Variants in TXLNB observed in about 807,000 individuals in gnomAD.
TXLNB encodes taxilin beta.
TXLNB carries 37 observed loss-of-function variants against 57.4 expected under a neutral mutation model. That is an observed-to-expected ratio of 0.64 (90% CI 0.50 to 0.85). TXLNB has a LOEUF of 0.85. Among genes scored for constraint, TXLNB ranks in the 40% least tolerant of loss-of-function variants. TXLNB has a pLI of 0.00. For missense variants in TXLNB, 848 were observed against 825.6 expected (o/e 1.03, Z -0.33); for synonymous variants, 302 against 309.6 (o/e 0.98, Z 0.26).
chr6:139,235,254 A>G (rs1775823291), downstream of TXLNB, among the ~76,000 whole-genome samples: 1 of 152,172 alleles, frequency 6.6e-6, no homozygotes, highest in African/African-American at 2.4e-5. Context: ...TAGCAGACAC[A>G]GTGGCTGGAT....
chr6:139,167,787 A>G, the TXLNB span, among the ~76,000 whole-genome samples: 16 of 152,334 alleles, frequency 1.1e-4, no homozygotes, highest in Admixed American at 7.2e-4. Context: ...GAGTGTGTTG[A>G]TAGCAGCAAA....
chr6:139,297,216 C>CT, the TXLNB span, among the ~76,000 whole-genome samples: 4 of 152,006 alleles, frequency 2.6e-5, no homozygotes, highest in Non-Finnish European at 1.5e-5. Context: ...CTTTTTCTGC[C>CT]TTTTTTCTTC....
chr6:139,208,906 T>C, the TXLNB span, among the ~76,000 whole-genome samples: 3 of 152,152 alleles, frequency 2.0e-5, no homozygotes, highest in Admixed American at 1.3e-4. Flanking sequence ...CTTTCACCAC[T>C]TCCATTCAAC....
the TXLNB span, among the ~76,000 whole-genome samples, chr6:139,207,714 C>A: frequency 1.3e-5 from 2 of 152,018 alleles, no homozygotes; most frequent in African/African-American, 4.8e-5. Context: ...AAAAGAGCAA[C>A]AAAATTGATG....
At chr6:139,298,699 C>G in the TXLNB span, among the ~76,000 whole-genome samples, 2 of 152,182 alleles carry the variant, frequency 1.3e-5, no homozygotes, top group Non-Finnish European at 2.9e-5. Context: ...ATGTGAAGGT[C>G]AAGTGATTGG....
chr6:139,302,003 G>C, the TXLNB span, among the ~76,000 whole-genome samples: 1 of 151,942 alleles, frequency 6.6e-6, no homozygotes. Context: ...ATGTTTTTTG[G>C]GGTGGAAAGC....
the TXLNB span, among the ~76,000 whole-genome samples, chr6:139,185,416 T>C: frequency 6.6e-6 from 1 of 151,748 alleles, no homozygotes; most frequent in Non-Finnish European, 1.5e-5. Flanking sequence ...CAGGATAGAG[T>C]TGTGGCCGGG....
At chr6:139,196,836 T>C in the TXLNB span, among the ~76,000 whole-genome samples, 6 of 152,224 alleles carry the variant, frequency 3.9e-5, no homozygotes, top group Non-Finnish European at 8.8e-5. Context: ...GGTTATTTTC[T>C]TAATTCCAAT....
rs1320049764 is a variant in TXLNB, at chr6:139,262,568, G to A, written c.882+11C>T. 3 of 1,607,356 alleles carry A rather than the reference G, an allele frequency of 1.9e-6. No individual in the cohort carries two copies. In the East Asian group the frequency reaches 6.7e-5, roughly 36 times the overall value. On this transcript the variant is annotated intron_variant, in intron 5 of 9. Transcript: ENST00000358430. ...TATGTACTGTTCTAAGTTGTTTGAT[G>A]TGGTTCTCACCTCCTCTCTGAGCTC...
the TXLNB span, among the ~76,000 whole-genome samples, chr6:139,191,292 C>T: frequency 6.6e-6 from 1 of 152,120 alleles, no homozygotes; most frequent in Non-Finnish European, 1.5e-5. Context: ...GTGGCACATG[C>T]CTGTAATCCC....
Position 139,260,420 on chromosome 6 carries a change from A to T in TXLNB, c.900T>A (p.Phe300Leu). 6.2e-7 allele frequency: 1 copy of T among 1,614,078 alleles called. No individual in the cohort carries two copies. The highest frequency in any genetic ancestry group is 1.3e-5 in the African/African-American group (1 of 75,040). ...ELREEHLDKI[F>L]KHRELQQKLV... is the part of the protein sequence containing the mutation. The stretch of plus-strand genomic sequence containing the variant: ...GCTTCTGCTGCAGTTCTCTGTGTTT[A>T]AATATTTTGTCCAGATGCTAAGAAA... The change falls in exon 6 of 10, where the codon TTT (phenylalanine) becomes TTA (leucine). Residue 300 changes from phenylalanine (F) to leucine (L), a missense_variant. Coordinates refer to ENST00000358430, the MANE Select transcript of TXLNB (RefSeq NM_153235.4).
chr6:139,276,873 G>C lies in TXLNB; in HGVS notation c.473C>G (p.Pro158Arg). The C allele has an allele frequency of 1.9e-6, 3 of 1,598,514 alleles. No individual in the cohort carries two copies. The highest frequency in any genetic ancestry group is 2.6e-6 in the Non-Finnish European group (3 of 1,175,108). Reference sequence around the variant, plus strand: ...GAATAAAAAATCAAACTTTTCTTCCGGTGTTTGCAACTTGTTCAGATTTTG... The same window carrying C: ...GAATAAAAAATCAAACTTTTCTTCCCGTGTTTGCAACTTGTTCAGATTTTG... ...LMQNLNKLQTPEEKFDFLFKK... is the reference protein window; with the variant it reads ...LMQNLNKLQTREEKFDFLFKK... Residue 158 changes from proline to arginine, a missense_variant, in exon 3 of 10, where the codon CCG (proline) becomes CGG (arginine). Pro to Arg is a moderately radical substitution (Grantham distance 103). Coordinates refer to ENST00000358430, the MANE Select transcript of TXLNB (RefSeq NM_153235.4).
chr6:139,310,185 G>A, the TXLNB span, among the ~76,000 whole-genome samples: 1 of 152,204 alleles, frequency 6.6e-6, no homozygotes, highest in Admixed American at 6.5e-5. Flanking sequence ...CAGGATGAAA[G>A]AGTAACCTAC....
chr6:139,227,481 T>G, the TXLNB span, among the ~76,000 whole-genome samples: 1 of 152,166 alleles, frequency 6.6e-6, no homozygotes, highest in Admixed American at 6.5e-5. Context: ...GTAGTTGAAA[T>G]TATTGTTACA....
chr6:139,202,082 T>C, the TXLNB span, among the ~76,000 whole-genome samples: 1 of 152,226 alleles, frequency 6.6e-6, no homozygotes, highest in Non-Finnish European at 1.5e-5. Context: ...CATTTGAAAG[T>C]TTCTCAGTTG....
rs1777240645 is a variant in TXLNB, at chr6:139,288,826, G to A, written c.74C>T (p.Pro25Leu). The change falls in exon 2 of 10, where the codon CCC becomes CTC. Residue 25 changes from proline to leucine, a missense_variant. Transcript: ENST00000358430. ...STPPGDSSSL[P>L]SHNGLEKEDG... ...TTCCTTCTCCAGGCCATTGTGACTGGGTAATGATGAACTGTCACCTGGAGG... is the reference window on the plus strand; with the variant it reads ...TTCCTTCTCCAGGCCATTGTGACTGAGTAATGATGAACTGTCACCTGGAGG... 2 of 1,614,218 alleles carry A rather than the reference G, an allele frequency of 1.2e-6. No individual in the cohort carries two copies. The highest frequency in any genetic ancestry group is 1.7e-6 in the Non-Finnish European group (2 of 1,180,032).
At chr6:139,321,660 T>A in the TXLNB span, among the ~76,000 whole-genome samples, 4 of 135,600 alleles carry the variant, frequency 2.9e-5, no homozygotes, top group East Asian at 8.1e-4. Flanking sequence ...TTTTTTGAGA[T>A]GGAGTCTGTT....
the TXLNB span, among the ~76,000 whole-genome samples, chr6:139,168,060 T>C: frequency 1.3e-5 from 2 of 152,206 alleles, no homozygotes; most frequent in South Asian, 2.1e-4. Context: ...GAAAATGATA[T>C]ATCCCCACCT....
At chr6:139,260,824 CTCTT>C in intron 5 of TXLNB, among the ~76,000 whole-genome samples, 1 of 152,300 alleles carries the variant, frequency 6.6e-6, no homozygotes, top group East Asian at 1.9e-4. Flanking sequence ...GGTATTTTGG[CTCTT>C]TCTGTGAATA....
Sources: allele counts gnomAD v4.1 joint callset (sites outside exome capture counted in the v4.1 genomes callset), GRCh38; gene constraint gnomAD v4.1.1; transcripts MANE v1.5; gene names NCBI Gene and HGNC (gene_info 2026-07-23, HGNC 2026-07-21).